Variants in UBE3A observed in about 807,000 individuals in gnomAD.
UBE3A encodes ubiquitin protein ligase E3A, also known as ubiquitin-protein ligase E3A.
In UBE3A, 6 loss-of-function variants were observed where a neutral mutation model predicts 83.4. That is an observed-to-expected ratio of 0.07 (90% CI 0.04 to 0.14). The LOEUF is 0.14. Among genes scored for constraint, UBE3A ranks in the 10% least tolerant of loss-of-function variants. UBE3A has a pLI of 1.00. For missense variants in UBE3A, 456 were observed against 1,036.1 expected (o/e 0.44, Z 7.69); for synonymous variants, 337 against 355.4 (o/e 0.95, Z 0.58).
At chr15:25,433,590 A>G (rs1452825088) in intron 1 of UBE3A, among the ~76,000 whole-genome samples, 2 of 152,232 alleles carry the variant, frequency 1.3e-5, no homozygotes, top group Non-Finnish European at 2.9e-5. Flanking sequence ...GAAGGAACGA[A>G]GGCTTCAAAA....
rs1018261981 is a variant in UBE3A at position 25,334,275 on chromosome 15, G to C, written c.*4862C>G. On this transcript the variant is annotated 3_prime_UTR_variant, in exon 13 of 13. Transcript: ENST00000648336. ...AAAATTAATTTTATTTCTAACACCAGTGATGAATACAAAAATAAAAATTAG... is the reference window on the plus strand; with the variant it reads ...AAAATTAATTTTATTTCTAACACCACTGATGAATACAAAAATAAAAATTAG... 4 of 151,980 alleles carry C rather than the reference G, an allele frequency of 2.6e-5. No individual in the cohort carries two copies. Among genetic ancestry groups the C allele is most frequent in the Non-Finnish European group, 4.4e-5 (3 of 68,008 alleles). 9.4% of individuals were successfully genotyped at this position (151,980 alleles called of 1,614,324 possible). A position where few individuals can be genotyped will look rare whatever the true frequency, so the allele number is the denominator to read the frequency against.
At position 25,370,486 on chromosome 15, in the gene UBE3A, C is replaced by A; in HGVS notation, c.1608+80G>T. ...CTATGCTATATGGTATCATTTTTTTCAGTCACTTTTAAAATGAATTCACTG... is the reference window on the plus strand; with the variant it reads ...CTATGCTATATGGTATCATTTTTTTAAGTCACTTTTAAAATGAATTCACTG... On this transcript the variant is annotated intron_variant, in intron 6 of 12. Transcript: ENST00000648336. This position sits in a 1 kb window ranked among gnomAD's most constrained non-coding sequence, Gnocchi z 4.2. The A allele has an allele frequency of 6.6e-7, 1 of 1,524,032 alleles. No homozygotes were observed. Among genetic ancestry groups the A allele is most frequent in the Non-Finnish European group, 9.1e-7 (1 of 1,099,830 alleles). The allele number at this position is 1,524,032 out of a possible 1,614,324, so 94.4% of individuals were successfully genotyped here.
At chr15:25,380,406 T>C (rs779723101) in intron 4 of UBE3A, among the ~76,000 whole-genome samples, 71 of 152,282 alleles carry the variant, frequency 4.7e-4, no homozygotes, top group Non-Finnish European at 6.2e-4. Context: ...CAGAAAATGT[T>C]TGCCAACCCT....
At chr15:25,418,119 G>C (rs554135332) in intron 1 of UBE3A, 5 of 152,040 alleles carry the variant, frequency 3.3e-5, no homozygotes, top group East Asian at 1.9e-4. Flanking sequence ...GTAACAAAGT[G>C]TAAGTATTTA....
intron 3 of UBE3A, chr15:25,407,722 T>A (rs1173425281): frequency 2.0e-5 from 3 of 152,230 alleles, no homozygotes; most frequent in African/African-American, 7.2e-5. Context: ...AATAAATCTG[T>A]CCTGGGTCTA....
intron 4 of UBE3A, among the ~76,000 whole-genome samples, chr15:25,378,820 C>T (rs928905465): frequency 6.6e-6 from 1 of 152,172 alleles, no homozygotes; most frequent in Non-Finnish European, 1.5e-5. Context: ...ACGTGAACCT[C>T]ACATTTATGC....
At chr15:25,356,962 AAT>A in intron 7 of UBE3A, 66 bp from the exon 8 acceptor site, 3 of 1,315,520 alleles carry the variant, frequency 2.3e-6, no homozygotes, top group Non-Finnish European at 3.2e-6. Context: ...GAATAATACA[AAT>A]ATAAACTTAA....
chr15:25,335,864 A>C lies in UBE3A; in HGVS notation c.*3273T>G, dbSNP rs1346744835. The C allele has an allele frequency of 6.6e-6, 1 of 152,138 alleles. No individual in the cohort carries two copies. Among genetic ancestry groups the C allele is most frequent in the African/African-American group, 2.4e-5 (1 of 41,428 alleles). 9.4% of individuals were successfully genotyped at this position (152,138 alleles called of 1,614,324 possible). A position where few individuals can be genotyped will look rare whatever the true frequency, so the allele number is the denominator to read the frequency against. On this transcript the variant is annotated 3_prime_UTR_variant, in exon 13 of 13. Coordinates refer to ENST00000648336, the MANE Select transcript of UBE3A (RefSeq NM_130839.5). Reference sequence around the variant, plus strand: ...GAGTATCCATCTAAAATCTGGGTAAACTGGGATGGAAAAACAAGTAGCCAG... The same window carrying C: ...GAGTATCCATCTAAAATCTGGGTAACCTGGGATGGAAAAACAAGTAGCCAG...
intron 1 of UBE3A, among the ~76,000 whole-genome samples, chr15:25,436,688 G>A (rs963758420): frequency 5.9e-5 from 9 of 152,060 alleles, no homozygotes; most frequent in Non-Finnish European, 1.3e-4. Flanking sequence ...TGCACAAGTG[G>A]GATGAGAACA....
chr15:25,339,117 T>TTATTTTGTTTTG lies in UBE3A; in HGVS notation c.*8_*19dup. 1 of 1,507,048 alleles carries TTATTTTGTTTTG rather than the reference T, an allele frequency of 6.6e-7. No homozygotes were observed. The allele number at this position is 1,507,048 out of a possible 1,614,324, so 93.4% of individuals were successfully genotyped here. A position where few individuals can be genotyped will look rare whatever the true frequency, so the allele number is the denominator to read the frequency against. On this transcript the variant is annotated 3_prime_UTR_variant, in exon 13 of 13. Coordinates refer to ENST00000648336, the MANE Select transcript of UBE3A (RefSeq NM_130839.5). ...TTTTTTTTCCTTCCTTTTTTTTGTTTTATTTTGTTTTGTTTTGTTTTACAG... is the reference window on the plus strand; with the variant it reads ...TTTTTTTTCCTTCCTTTTTTTTGTTTTATTTTGTTTTGTATTTTGTTTTGTTTTGTTTTACAG...
intron 4 of UBE3A, 50 bp downstream of exon 4, chr15:25,405,411 T>A: frequency 1.3e-6 from 2 of 1,590,850 alleles, no homozygotes; most frequent in Non-Finnish European, 1.7e-6. Context: ...TTTAAAGCAG[T>A]CTAGGGCAAC....
chr15:25,342,705 C>T (rs1316991706), intron 11 of UBE3A, among the ~76,000 whole-genome samples: 1 of 151,954 alleles, frequency 6.6e-6, no homozygotes, highest in East Asian at 1.9e-4. Flanking sequence ...ACTCCAAATA[C>T]CAAAGAAGTG....
At chr15:25,353,103 T>C (rs1290759844) in intron 11 of UBE3A, among the ~76,000 whole-genome samples, 1 of 152,216 alleles carries the variant, frequency 6.6e-6, no homozygotes, top group Non-Finnish European at 1.5e-5. Context: ...ATTGCTGTTA[T>C]ACTCCTTGTG....
Position 25,371,524 on chromosome 15 carries a change from C to G in UBE3A, c.650G>C (p.Gly217Ala), listed in dbSNP as rs777672019. ...GCCTAATTTTTGCAAATTGTTGTCT[C>G]CCTGTGAGCTATCACCTATCCTTGA... is the stretch of plus-strand genomic sequence containing the variant. ...SSSRIGDSSQGDNNLQKLGPD... is the reference protein window; with the variant it reads ...SSSRIGDSSQADNNLQKLGPD... Residue 217 changes from glycine (G) to alanine (A), a missense_variant, in exon 6 of 13, where the codon GGA (glycine) becomes GCA (alanine). Around this residue, in one of 13 missense-constraint regions of UBE3A, gnomAD observed 42 missense variants for 41.8 expected, o/e 1.00. Transcript: ENST00000648336. This position sits in a 1 kb window ranked among gnomAD's most constrained non-coding sequence, Gnocchi z 5.3. 1.9e-6 allele frequency: 3 copies of G among 1,614,132 alleles called. No individual in the cohort carries two copies. Among genetic ancestry groups the G allele is most frequent in the Admixed American group, 3.3e-5 (2 of 60,024 alleles).
chr15:25,373,244 A>C (rs1476162092), intron 5 of UBE3A, among the ~76,000 whole-genome samples: 1 of 152,210 alleles, frequency 6.6e-6, no homozygotes, highest in Non-Finnish European at 1.5e-5. Flanking sequence ...CCTAAAATGT[A>C]ACATAACAGA....
chr15:25,339,305 A>AAAT (rs747290595), intron 12 of UBE3A, 48 bp from the exon 13 acceptor site: 28 of 1,598,850 alleles, frequency 1.8e-5, no homozygotes, highest in Non-Finnish European at 2.3e-5. Flanking sequence ...AAGTCATGGG[A>AAAT]AATACACTTA....
chr15:25,382,312 C>A (rs1478443062), intron 4 of UBE3A, among the ~76,000 whole-genome samples: 1 of 149,854 alleles, frequency 6.7e-6, no homozygotes, highest in Admixed American at 6.6e-5. Flanking sequence ...AAGAGCGAGA[C>A]TCTGTCTCAA....
intron 12 of UBE3A, 101 bp downstream of exon 12, chr15:25,339,984 A>G (rs1449880365): frequency 1.4e-6 from 2 of 1,473,786 alleles, no homozygotes; most frequent in Non-Finnish European, 1.9e-6. Context: ...TGTATATAAA[A>G]TCACGAATGT....
intron 1 of UBE3A, among the ~76,000 whole-genome samples, chr15:25,414,760 A>G (rs2090578680): frequency 6.6e-6 from 1 of 152,184 alleles, no homozygotes; most frequent in South Asian, 2.1e-4. Context: ...ACATTCTCAC[A>G]TTATTCCCCA....
Sources: allele counts gnomAD v4.1 joint callset (sites outside exome capture counted in the v4.1 genomes callset), GRCh38; gene constraint gnomAD v4.1.1; regional missense constraint gnomAD v4.1.1; non-coding constraint Gnocchi (gnomAD v3.1); transcripts MANE v1.5; gene names NCBI Gene and HGNC (gene_info 2026-07-23, HGNC 2026-07-21).